FRK: variants seen among roughly 807,000 people sequenced by gnomAD.
FRK encodes the protein tyrosine-protein kinase FRK.
A neutral mutation model predicts 56.4 loss-of-function variants in FRK; 51 were observed. That is an observed-to-expected ratio of 0.90 (90% CI 0.72 to 1.14). FRK has a LOEUF of 1.14. FRK is among the 50% of genes most tolerant of loss of function. The pLI is 0.00. For synonymous variants in FRK, 245 were observed against 217.9 expected (o/e 1.12, Z -1.10); for missense variants, 570 against 601.4 (o/e 0.95, Z 0.55).
rs542247608 is a variant in FRK, at chr6:115,989,029, T to C, written c.466+14848A>G. Among the ~76,000 whole-genome samples, 16 of 152,002 alleles carry C rather than the reference T, an allele frequency of 1.1e-4. No homozygotes were observed. In the South Asian group the frequency reaches 3.1e-3, roughly 30 times the overall value. ...TCTCAAATGTTTGAGATCATTTTTTTTCAATTTGAGATCATTATGTCTACA... is the reference window on the plus strand; with the variant it reads ...TCTCAAATGTTTGAGATCATTTTTTCTCAATTTGAGATCATTATGTCTACA... On this transcript the variant is annotated intron_variant, in intron 2 of 7. Coordinates refer to ENST00000606080, the MANE Select transcript of FRK (RefSeq NM_002031.3).
At position 115,934,084 on chromosome 6, in the gene FRK, G is replaced by A. The variant is rs976246551; in HGVS notation, c.*8330C>T. On this transcript the variant is annotated 3_prime_UTR_variant, in exon 8 of 8. Coordinates refer to ENST00000606080, the MANE Select transcript of FRK (RefSeq NM_002031.3). ...ACCCGCATGTATATATTTAGAGAGAGAGAAAGGAGGGAGATGAGGTGATGA... is the reference window on the plus strand; with the variant it reads ...ACCCGCATGTATATATTTAGAGAGAAAGAAAGGAGGGAGATGAGGTGATGA... 6.6e-6 allele frequency: 1 copy of A among 152,136 alleles called. No homozygotes were observed. Among genetic ancestry groups the A allele is most frequent in the East Asian group, 1.9e-4 (1 of 5,198 alleles). The allele number at this position is 152,136 out of a possible 1,614,324, so 9.4% of individuals were successfully genotyped here.
chr6:115,942,700 T>G, intron 7 of FRK, 75 bp from the exon 8 acceptor site: 1 of 1,258,964 alleles, frequency 7.9e-7, no homozygotes, highest in Non-Finnish European at 1.1e-6. Context: ...TTATAGCCAT[T>G]TATACTCTAG....
At position 115,933,030 on chromosome 6, in the gene FRK, G is replaced by T. The variant is rs780792278; in HGVS notation, c.*9384C>A. 6.6e-6 allele frequency: 1 copy of T among 151,976 alleles called. No individual in the cohort carries two copies. The highest frequency in any genetic ancestry group is 2.1e-4 in the South Asian group (1 of 4,826). The allele number at this position is 151,976 out of a possible 1,614,324, so 9.4% of individuals were successfully genotyped here. Reference sequence around the variant, plus strand: ...TTGTTTTTGATGACAAAATATTCAGGTTCCACAACTATTCAGAGTCTACCC... The same window carrying T: ...TTGTTTTTGATGACAAAATATTCAGTTTCCACAACTATTCAGAGTCTACCC... On this transcript the variant is annotated 3_prime_UTR_variant, in exon 8 of 8. Coordinates refer to ENST00000606080, the MANE Select transcript of FRK (RefSeq NM_002031.3).
At chr6:116,037,340 A>C (rs1005732711) in intron 1 of FRK, among the ~76,000 whole-genome samples, 1 of 152,228 alleles carries the variant, frequency 6.6e-6, no homozygotes, top group African/African-American at 2.4e-5. Context: ...AAGATAAACA[A>C]CACCAAAGTG....
At chr6:116,021,734 T>C (rs1224507046) in intron 1 of FRK, among the ~76,000 whole-genome samples, 1 of 152,102 alleles carries the variant, frequency 6.6e-6, no homozygotes, top group African/African-American at 2.4e-5. Context: ...CAAATCTTTC[T>C]ATTGCTTTTT....
At chr6:115,994,195 G>T (rs1174743127) in intron 2 of FRK, among the ~76,000 whole-genome samples, 2 of 151,836 alleles carry the variant, frequency 1.3e-5, no homozygotes, top group Non-Finnish European at 2.9e-5. Context: ...TGTAACATGG[G>T]GTACTTTCAA....
At chr6:115,950,544 A>G (rs926420474) in intron 5 of FRK, among the ~76,000 whole-genome samples, 10 of 152,360 alleles carry the variant, frequency 6.6e-5, no homozygotes, top group African/African-American at 2.2e-4. Context: ...ATGTGGAGAA[A>G]GAGGAATGCT....
At chr6:115,970,836 C>T (rs1364513765) in intron 2 of FRK, among the ~76,000 whole-genome samples, 1 of 152,080 alleles carries the variant, frequency 6.6e-6, no homozygotes, top group African/African-American at 2.4e-5. Flanking sequence ...TCACTTCAGC[C>T]CAGAAGGTCA....
At chr6:115,987,832 G>A (rs987936834) in intron 2 of FRK, among the ~76,000 whole-genome samples, 17 of 151,970 alleles carry the variant, frequency 1.1e-4, no homozygotes, top group Non-Finnish European at 1.8e-4. Flanking sequence ...CTCTTTGTTC[G>A]GGACTATACA....
intron 1 of FRK, among the ~76,000 whole-genome samples, chr6:116,041,095 T>C (rs1776691667): frequency 2.0e-5 from 3 of 152,228 alleles, no homozygotes; most frequent in Admixed American, 1.3e-4. Flanking sequence ...ATCAATAGCA[T>C]GTCTTTCCAT....
intron 1 of FRK, among the ~76,000 whole-genome samples, chr6:116,046,064 A>G (rs1249401746): frequency 6.6e-6 from 1 of 152,266 alleles, no homozygotes; most frequent in Admixed American, 6.5e-5. Flanking sequence ...ACTGGTAATT[A>G]GAGAAATGCA....
the FRK span, among the ~76,000 whole-genome samples, chr6:116,084,010 C>T: frequency 1.3e-5 from 2 of 151,844 alleles, no homozygotes; most frequent in African/African-American, 2.4e-5. Context: ...AATAAAAGTT[C>T]GGTCAATATC....
At chr6:116,009,024 G>A (rs1205640267) in intron 1 of FRK, among the ~76,000 whole-genome samples, 1 of 152,188 alleles carries the variant, frequency 6.6e-6, no homozygotes, top group East Asian at 1.9e-4. Flanking sequence ...GTCCAGTGCA[G>A]CCACTTGGTG....
At chr6:116,083,050 G>A in the FRK span, among the ~76,000 whole-genome samples, 1 of 152,176 alleles carries the variant, frequency 6.6e-6, no homozygotes, top group Non-Finnish European at 1.5e-5. Flanking sequence ...AAAGGAGACT[G>A]AGAAGGATCA....
chr6:116,050,922 C>T (rs1250018906), intron 1 of FRK, among the ~76,000 whole-genome samples: 1 of 152,156 alleles, frequency 6.6e-6, no homozygotes, highest in Non-Finnish European at 1.5e-5. Flanking sequence ...AGTGACTTTG[C>T]AGGCAGTACA....
At chr6:116,028,300 AT>A (rs1345277219) in intron 1 of FRK, among the ~76,000 whole-genome samples, 2 of 152,262 alleles carry the variant, frequency 1.3e-5, no homozygotes, top group Admixed American at 6.5e-5. Context: ...GACTAATTGC[AT>A]TTTTATCTAA....
chr6:115,973,539 C>G (rs969516847), intron 2 of FRK, among the ~76,000 whole-genome samples: 8 of 152,010 alleles, frequency 5.3e-5, no homozygotes, highest in African/African-American at 1.7e-4. Context: ...ACATGTATCC[C>G]AGAACTTAAA....
chr6:116,063,748 T>C (rs1036289150), upstream of FRK, among the ~76,000 whole-genome samples: 1 of 152,198 alleles, frequency 6.6e-6, no homozygotes, highest in Non-Finnish European at 1.5e-5. Context: ...TTTGTCAATA[T>C]CAGGTAAAAA....
intron 2 of FRK, among the ~76,000 whole-genome samples, chr6:115,971,356 T>A (rs1301010768): frequency 1.3e-5 from 2 of 152,176 alleles, no homozygotes; most frequent in African/African-American, 4.8e-5. Context: ...CCCTCCTAAA[T>A]AACTGAGTTG....
Sources: gnomAD v4.1 joint callset for allele counts (sites outside exome capture counted in the v4.1 genomes callset) on GRCh38, gnomAD v4.1.1 for gene constraint, MANE v1.5 for transcripts, NCBI Gene and HGNC (gene_info 2026-07-23, HGNC 2026-07-21) for gene names.